Variants in RGS6 observed in about 807,000 individuals in gnomAD.
RGS6 encodes regulator of G protein signaling 6, also known as regulator of G-protein signaling 6.
RGS6 carries 30 observed loss-of-function variants against 78.5 expected under a neutral mutation model. That is an observed-to-expected ratio of 0.38 (90% CI 0.29 to 0.52). The LOEUF (loss-of-function observed/expected upper bound fraction) is 0.52. Among genes scored for constraint, RGS6 ranks in the 20% least tolerant of loss-of-function variants. The probability of loss-of-function intolerance (pLI) is 0.85; values close to 1 mark genes in which losing one functional copy is unlikely to be tolerated. For synonymous variants in RGS6, 206 were observed against 206.0 expected, an observed-to-expected ratio of 1.00 and a Z score of 0.00; for missense variants, 495 against 609.7, an observed-to-expected ratio of 0.81 and a Z score of 1.98.
intron 2 of RGS6, among the ~76,000 whole-genome samples, chr14:72,029,967 T>C (rs896296601): frequency 1.2e-4 from 19 of 152,252 alleles, no homozygotes; most frequent in Non-Finnish European, 5.9e-5. Flanking sequence ...GAGCAAAATA[T>C]GCAATCTTTT....
chr14:72,248,509 C>G (rs2054814184), intron 2 of RGS6, among the ~76,000 whole-genome samples: 1 of 152,082 alleles, frequency 6.6e-6, no homozygotes, highest in African/African-American at 2.4e-5. Flanking sequence ...CTATGTAACC[C>G]ACATATACAA....
At chr14:72,596,744 C>T in the RGS6 span, among the ~76,000 whole-genome samples, 7 of 152,284 alleles carry the variant, frequency 4.6e-5, no homozygotes, top group Non-Finnish European at 8.8e-5. Context: ...AAGCACTCAT[C>T]GTATCTTACA....
At chr14:72,549,384 T>G (rs1162465216) in intron 17 of RGS6, among the ~76,000 whole-genome samples, 1 of 152,162 alleles carries the variant, frequency 6.6e-6, no homozygotes, top group African/African-American at 2.4e-5. Flanking sequence ...CATCGTGCAG[T>G]GAGCCCCAGC....
At chr14:72,048,169 A>G (rs1463047492) in intron 2 of RGS6, among the ~76,000 whole-genome samples, 2 of 152,126 alleles carry the variant, frequency 1.3e-5, no homozygotes, top group Non-Finnish European at 2.9e-5. Context: ...AGTGTGTTCA[A>G]GGGTAAATGA....
rs1051579663 is a variant in RGS6 at position 72,104,032 on chromosome 14, A to G, written c.84+139157A>G. On this transcript the variant is annotated intron_variant, in intron 2 of 17. Transcript: ENST00000553525. ...TTATTATTATTACTGTATTCTCTCT[A>G]GGCGTTTCCCCCAGGAGCTTATTGA... Among the ~76,000 whole-genome samples the G allele has an allele frequency of 2.6e-5, 4 of 152,158 alleles. No homozygotes were observed. The South Asian group carries it at 8.3e-4, about 32-fold the overall frequency.
chr14:72,060,371 CTT>C (rs34086688), intron 2 of RGS6, among the ~76,000 whole-genome samples: 5 of 136,930 alleles, frequency 3.7e-5, no homozygotes, highest in Admixed American at 7.3e-5. Flanking sequence ...CCCCTCCCAC[CTT>C]TTTTTTTTTT....
At chr14:72,067,361 A>C (rs982915462) in intron 2 of RGS6, among the ~76,000 whole-genome samples, 9 of 152,184 alleles carry the variant, frequency 5.9e-5, no homozygotes, top group Non-Finnish European at 1.0e-4. Context: ...TACCTAATGC[A>C]TGCGGGGCTT....
At chr14:71,956,505 G>A (rs1030579721) in intron 1 of RGS6, among the ~76,000 whole-genome samples, 1 of 152,014 alleles carries the variant, frequency 6.6e-6, no homozygotes, top group African/African-American at 2.4e-5. Context: ...GAGCCAGTCC[G>A]AGTCTCAAAA....
chr14:72,025,147 CTA>C (rs111980717), intron 2 of RGS6, among the ~76,000 whole-genome samples: 445 of 152,240 alleles, frequency 2.9e-3, no homozygotes, highest in African/African-American at 0.01. Context: ...ACCTGGAAAA[CTA>C]TCATTTTGCT....
At chr14:72,354,873 A>G (rs942881922) in intron 3 of RGS6, among the ~76,000 whole-genome samples, 1 of 152,094 alleles carries the variant, frequency 6.6e-6, no homozygotes, top group Non-Finnish European at 1.5e-5. Context: ...TGTAAATGAA[A>G]TTTTACTATA....
rs1212844114 is a variant in RGS6, at chr14:72,380,335, T to C, written c.184+28141T>C. On this transcript the variant is annotated intron_variant, in intron 3 of 17. Transcript: ENST00000553525. ...ATAAACAAATGGGATTATATCAAAC[T>C]AAAAAGCTTCTGTACAGTAAAGGAA... Among the ~76,000 whole-genome samples the C allele has an allele frequency of 1.8e-4, 27 of 151,994 alleles. No individual in the cohort carries two copies. The East Asian group carries it at 5.0e-3, about 28-fold the overall frequency.
chr14:72,556,306 G>A (rs1391705241), intron 17 of RGS6, among the ~76,000 whole-genome samples: 7 of 152,098 alleles, frequency 4.6e-5, no homozygotes. Flanking sequence ...AAGAGAGAGC[G>A]AGTGTGTATT....
At chr14:72,414,643 T>A (rs543592217) in intron 3 of RGS6, among the ~76,000 whole-genome samples, 55 of 152,312 alleles carry the variant, frequency 3.6e-4, no homozygotes, top group African/African-American at 1.2e-3. Context: ...GTGCTCTGAT[T>A]TTTAGAGTTT....
At chr14:72,157,377 G>A (rs1049886366) in intron 2 of RGS6, among the ~76,000 whole-genome samples, 1 of 152,098 alleles carries the variant, frequency 6.6e-6, no homozygotes, top group African/African-American at 2.4e-5. Flanking sequence ...TGGGTTCCTC[G>A]GTGGACATGT....
chr14:72,172,365 G>A (rs1421091991), intron 2 of RGS6, among the ~76,000 whole-genome samples: 1 of 151,590 alleles, frequency 6.6e-6, no homozygotes, highest in Non-Finnish European at 1.5e-5. Flanking sequence ...TTGAAGCTTA[G>A]TAAGTGATAT....
At chr14:72,307,849 C>T (rs1210764002) in intron 2 of RGS6, among the ~76,000 whole-genome samples, 1 of 152,126 alleles carries the variant, frequency 6.6e-6, no homozygotes, top group Non-Finnish European at 1.5e-5. Context: ...CAATCAAAGA[C>T]TGTGACATGC....
chr14:72,473,763 A>C (rs1014696980), intron 9 of RGS6: 1 of 152,190 alleles, frequency 6.6e-6, no homozygotes, highest in African/African-American at 2.4e-5. Context: ...TGATCGATAC[A>C]TAACCTTTTA....
At chr14:72,459,566 C>A in intron 5 of RGS6, 66 bp from the exon 6 acceptor site, 1 of 1,531,264 alleles carries the variant, frequency 6.5e-7, no homozygotes, top group Non-Finnish European at 9.0e-7. Context: ...AGGCTCCTCC[C>A]TGGGTGTGGG....
At chr14:72,559,826 C>G (rs2097646185) in intron 17 of RGS6, among the ~76,000 whole-genome samples, 1 of 152,142 alleles carries the variant, frequency 6.6e-6, no homozygotes, top group East Asian at 1.9e-4. Context: ...ATAATTAGCA[C>G]CTTCAAGCCC....
Sources: gnomAD v4.1 joint callset for allele counts (sites outside exome capture counted in the v4.1 genomes callset) on GRCh38, gnomAD v4.1.1 for gene constraint, MANE v1.5 for transcripts, NCBI Gene and HGNC (gene_info 2026-07-23, HGNC 2026-07-21) for gene names.